The following UNC13C variants were observed in gnomAD, a reference collection of about 807,000 sequenced individuals.
UNC13C encodes protein unc-13 homolog C.
In UNC13C, 174 loss-of-function variants were observed where a neutral mutation model predicts 245.4. The observed-to-expected ratio is 0.71, with a 90% confidence interval of 0.63 to 0.80. UNC13C has a LOEUF of 0.80. UNC13C is among the 30% of genes least tolerant of loss of function. The pLI, the probability that UNC13C is intolerant of heterozygous loss-of-function variation, is 0.00. For missense variants in UNC13C, 2,829 were observed against 2,602.9 expected (o/e 1.09, Z -1.89); for synonymous variants, 992 against 895.1 (o/e 1.11, Z -1.93).
At chr15:53,930,280 AG>A in the UNC13C span, among the ~76,000 whole-genome samples, 1 of 152,202 alleles carries the variant, frequency 6.6e-6, no homozygotes, top group African/African-American at 2.4e-5. Context: ...AGATACTACC[AG>A]TCCTCTCAAT....
chr15:54,215,624 C>G (rs532450361), intron 4 of UNC13C, among the ~76,000 whole-genome samples: 8 of 152,044 alleles, frequency 5.3e-5, no homozygotes, highest in African/African-American at 1.9e-4. Flanking sequence ...CTCTCCTTGA[C>G]AGTGAGGCCA....
At chr15:53,905,738 T>G in the UNC13C span, among the ~76,000 whole-genome samples, 1 of 152,064 alleles carries the variant, frequency 6.6e-6, no homozygotes, top group Non-Finnish European at 1.5e-5. Context: ...ATTCTACACT[T>G]GAAATTTGCT....
At chr15:54,611,327 G>A (rs1307476416) in intron 30 of UNC13C, 1 of 152,140 alleles carries the variant, frequency 6.6e-6, no homozygotes, top group Non-Finnish European at 1.5e-5. Flanking sequence ...CTTGGGTTTA[G>A]AAGGGGTTAA....
chr15:53,863,007 C>G, the UNC13C span, among the ~76,000 whole-genome samples: 1 of 152,092 alleles, frequency 6.6e-6, no homozygotes, highest in Non-Finnish European at 1.5e-5. Flanking sequence ...TAAATATCAC[C>G]TAAATCAGAT....
intron 2 of UNC13C, among the ~76,000 whole-genome samples, chr15:54,119,884 A>G (rs2030548560): frequency 6.6e-6 from 1 of 152,188 alleles, no homozygotes; most frequent in Admixed American, 6.5e-5. Flanking sequence ...ATTCACAACA[A>G]GGCCCTAAGG....
chr15:54,542,781 G>C (rs1896306610), intron 26 of UNC13C, among the ~76,000 whole-genome samples: 1 of 151,964 alleles, frequency 6.6e-6, no homozygotes, highest in South Asian at 2.1e-4. Flanking sequence ...TTCGATCTTT[G>C]TTGGTTTAAA....
At chr15:54,103,468 A>G (rs1424042935) in intron 2 of UNC13C, among the ~76,000 whole-genome samples, 1 of 152,244 alleles carries the variant, frequency 6.6e-6, no homozygotes, top group African/African-American at 2.4e-5. Context: ...ATTATAGTTT[A>G]CCAACCGTGT....
the UNC13C span, among the ~76,000 whole-genome samples, chr15:53,896,511 A>G: frequency 6.6e-6 from 1 of 152,156 alleles, no homozygotes; most frequent in African/African-American, 2.4e-5. Context: ...GTATTATTAC[A>G]ATATTCAATG....
chr15:53,864,729 A>G, the UNC13C span, among the ~76,000 whole-genome samples: 2 of 152,208 alleles, frequency 1.3e-5, no homozygotes, highest in African/African-American at 4.8e-5. Flanking sequence ...CCCTCTTCCT[A>G]GATTGTGTTA....
At chr15:54,453,360 A>C (rs1891290344) in intron 19 of UNC13C, among the ~76,000 whole-genome samples, 2 of 152,122 alleles carry the variant, frequency 1.3e-5, no homozygotes, top group African/African-American at 4.8e-5. Context: ...TTATCTGTTG[A>C]ATCCTGATGT....
chr15:53,980,603 A>G (rs1298672134), intron 1 of UNC13C, among the ~76,000 whole-genome samples: 1 of 152,226 alleles, frequency 6.6e-6, no homozygotes, highest in Non-Finnish European at 1.5e-5. Context: ...TAATTTCAGT[A>G]GAATTGCCAA....
intron 4 of UNC13C, among the ~76,000 whole-genome samples, chr15:54,175,508 A>AGTTTTTTTTTTTTTTT (rs2033576921): frequency 9.4e-6 from 1 of 106,044 alleles, no homozygotes; most frequent in African/African-American, 3.8e-5. Flanking sequence ...TGGCCCTAGA[A>AGTTTTTTTTTTTTTTT]TTTTTTTTTT....
At chr15:54,323,732 G>T (rs924851114) in intron 14 of UNC13C, among the ~76,000 whole-genome samples, 1 of 151,982 alleles carries the variant, frequency 6.6e-6, no homozygotes, top group Non-Finnish European at 1.5e-5. Flanking sequence ...GAACAGCTTT[G>T]TTATAAAAAC....
At chr15:54,453,388 A>G (rs186518558) in intron 19 of UNC13C, among the ~76,000 whole-genome samples, 172 of 152,250 alleles carry the variant, frequency 1.1e-3, no homozygotes, top group African/African-American at 4.0e-3. Flanking sequence ...TAGAGGATCT[A>G]TTGAAAGCAT....
intron 2 of UNC13C, among the ~76,000 whole-genome samples, chr15:54,138,210 T>C (rs1220959263): frequency 2.0e-5 from 3 of 152,150 alleles, no homozygotes; most frequent in African/African-American, 7.2e-5. Flanking sequence ...AGATGTGTTT[T>C]GTGGCTTGAA....
At chr15:53,917,422 G>T in the UNC13C span, among the ~76,000 whole-genome samples, 1 of 152,202 alleles carries the variant, frequency 6.6e-6, no homozygotes, top group African/African-American at 2.4e-5. Flanking sequence ...AGAAAGTTGA[G>T]TTCTCTTACT....
At chr15:54,112,364 A>G (rs1003447754) in intron 2 of UNC13C, among the ~76,000 whole-genome samples, 1 of 152,134 alleles carries the variant, frequency 6.6e-6, no homozygotes, top group African/African-American at 2.4e-5. Flanking sequence ...ATGGGTTTTT[A>G]TAGACTGGAT....
chr15:54,468,572 C>T (rs1892299102), intron 19 of UNC13C, among the ~76,000 whole-genome samples: 1 of 151,502 alleles, frequency 6.6e-6, no homozygotes, highest in South Asian at 2.1e-4. Context: ...AGAAGTTTTA[C>T]AGTTTCATGT....
chr15:54,130,003 C>G (rs961684077), intron 2 of UNC13C, among the ~76,000 whole-genome samples: 3 of 150,622 alleles, frequency 2.0e-5, no homozygotes, highest in Admixed American at 2.0e-4. Flanking sequence ...AGGTTATAAC[C>G]TTTCTTCTGT....
Sources: allele counts gnomAD v4.1 joint callset (sites outside exome capture counted in the v4.1 genomes callset), GRCh38; gene constraint gnomAD v4.1.1; transcripts MANE v1.5; gene names NCBI Gene and HGNC (gene_info 2026-07-23, HGNC 2026-07-21).